Variants in ASCL5 observed in about 807,000 individuals in gnomAD.
ASCL5 encodes achaete-scute family bHLH transcription factor 5.
For missense variants in ASCL5, 262 were observed against 268.9 expected (o/e 0.97, Z 0.18); for synonymous variants, 124 against 131.5 (o/e 0.94, Z 0.39).
At chr1:201,124,146 C>T (rs142050229) in intron 1 of ASCL5, among the ~76,000 whole-genome samples, 5 of 152,312 alleles carry the variant, frequency 3.3e-5, no homozygotes, top group Admixed American at 1.3e-4. Flanking sequence ...GAAAATCATC[C>T]TATAGACACA....
In ASCL5 at chr1:201,123,236, A is replaced by G. The variant is rs547408560; in HGVS notation, c.-506+3848T>C. On this transcript the variant is annotated intron_variant, in intron 1 of 1. Transcript: ENST00000449188. Reference sequence around the variant, plus strand: ...GAATGAAAAGGGTAACTGAATTCAAATAATTCTAATAAATTGAATTTATTC... The same window carrying G: ...GAATGAAAAGGGTAACTGAATTCAAGTAATTCTAATAAATTGAATTTATTC... Among the ~76,000 whole-genome samples the G allele has an allele frequency of 3.3e-5, 5 of 152,338 alleles. No individual in the cohort carries two copies. In the South Asian group the frequency reaches 1.0e-3, roughly 32 times the overall value.
At position 201,115,006 on chromosome 1, in the gene ASCL5, C is replaced by G; in HGVS notation, c.367G>C (p.Glu123Gln). 1 of 1,231,824 alleles carries G rather than the reference C, an allele frequency of 8.1e-7. No homozygotes were observed. Among genetic ancestry groups the G allele is most frequent in the South Asian group, 4.1e-5 (1 of 24,332 alleles). The allele number at this position is 1,231,824 out of a possible 1,614,324, so 76.3% of individuals were successfully genotyped here. A position where few individuals can be genotyped will look rare whatever the true frequency, so the allele number is the denominator to read the frequency against. ...TAGCGGATGGCGGCGCGCAGCGTCT[C>G]CACCTTGCTGAGTCGCTTCTCAGCC... Reference protein sequence around the residue: ...ALAEKRLSKVETLRAAIRYIK... With the variant: ...ALAEKRLSKVQTLRAAIRYIK... Residue 123 changes from glutamate to glutamine, a missense_variant, in exon 2 of 2, where the codon GAG becomes CAG. Physicochemically the swap from Glu to Gln is conservative, Grantham distance 29 (BLOSUM62 2). Transcript: ENST00000449188.
chr1:201,119,966 G>A, intron 1 of ASCL5, among the ~76,000 whole-genome samples: 1 of 152,112 alleles, frequency 6.6e-6, no homozygotes, highest in East Asian at 1.9e-4. Flanking sequence ...ATTACCAGCT[G>A]TACTCTAGTT....
In ASCL5 at chr1:201,124,665, G is replaced by T. The variant is rs148048205; in HGVS notation, c.-506+2419C>A. Among the ~76,000 whole-genome samples the T allele has an allele frequency of 2.2e-3, 336 of 152,362 alleles. 3 individuals carry two copies. Among genetic ancestry groups the T allele is most frequent in the Middle Eastern group, 0.017 (5 of 294 alleles). On this transcript the variant is annotated intron_variant, in intron 1 of 1. Transcript: ENST00000449188. ...ATAGATCCAGAGAATTCGTAGGTGG[G>T]AAGTGACTGCAGCTGCAGGGCTGGA...
intron 1 of ASCL5, among the ~76,000 whole-genome samples, chr1:201,125,166 C>T (rs1232675590): frequency 6.6e-6 from 1 of 152,198 alleles, no homozygotes; most frequent in East Asian, 1.9e-4. Context: ...GGGAGAGTAA[C>T]AGCACTCACT....
At chr1:201,117,011 G>A (rs552689392) in intron 1 of ASCL5, among the ~76,000 whole-genome samples, 1 of 152,184 alleles carries the variant, frequency 6.6e-6, no homozygotes, top group East Asian at 1.9e-4. Context: ...GTCTCCTTCT[G>A]CACCCTCTCA....
In ASCL5 at chr1:201,119,345, T is replaced by C. The variant is rs1663406492; in HGVS notation, c.-505-3468A>G. Among the ~76,000 whole-genome samples, 4 of 152,310 alleles carry C rather than the reference T, an allele frequency of 2.6e-5. 1 individual carries two copies. The South Asian group carries it at 8.3e-4, about 32-fold the overall frequency. On this transcript the variant is annotated intron_variant, in intron 1 of 1. Transcript: ENST00000449188. ...TGAGCAAAGGCCCCAGGAGGATCTA[T>C]CAGTAGCAGGGAACCTACTCATCGG...
rs1173856232 is a variant in ASCL5 at position 201,115,619 on chromosome 1, G to T, written c.-247C>A. 7 of 332,026 alleles carry T rather than the reference G, an allele frequency of 2.1e-5. No individual in the cohort carries two copies. The highest frequency in any genetic ancestry group is 4.9e-5 in the Admixed American group (1 of 20,508). 20.6% of individuals were successfully genotyped at this position (332,026 alleles called of 1,614,324 possible). On this transcript the variant is annotated 5_prime_UTR_variant, in exon 2 of 2. Coordinates refer to ENST00000449188, the MANE Select transcript of ASCL5 (RefSeq NM_001270601.2). ...CGCCTTCTCAGAGCCAGCCCATGGC[G>T]CCGCGGAACTCTGAGGGCCCGCACC...
chr1:201,126,929 C>G (rs1280021515), intron 1 of ASCL5, among the ~76,000 whole-genome samples, 155 bp downstream of exon 1: 3 of 152,156 alleles, frequency 2.0e-5, no homozygotes, highest in Non-Finnish European at 4.4e-5. Flanking sequence ...TGGCTTGGCT[C>G]TGTTTTCCTT....
At chr1:201,124,789 T>C (rs1040334201) in intron 1 of ASCL5, among the ~76,000 whole-genome samples, 16 of 152,196 alleles carry the variant, frequency 1.1e-4, no homozygotes, top group African/African-American at 3.6e-4. Flanking sequence ...AGCCTCAGGG[T>C]GTCCTTGTGA....
intron 1 of ASCL5, among the ~76,000 whole-genome samples, chr1:201,119,410 G>A (rs1221445865): frequency 2.0e-5 from 3 of 152,190 alleles, no homozygotes; most frequent in Non-Finnish European, 4.4e-5. Flanking sequence ...TATCAATAGC[G>A]CCACGGTGTG....
Position 201,115,053 on chromosome 1 carries a change from C to G in ASCL5, c.320G>C (p.Arg107Pro). ...KCVNEGYARL[R>P]GHLPGALAEK... The stretch of plus-strand genomic sequence containing the variant: ...AGCCAGGGCGCCGGGGAGGTGGCCG[C>G]GGAGGCGAGCGTAGCCCTCGTTGAC... The change falls in exon 2 of 2, where the codon CGC becomes CCC. Residue 107 changes from arginine to proline, a missense_variant. Physicochemically the swap from Arg to Pro is moderately radical, Grantham distance 103. Transcript: ENST00000449188. 8.1e-7 allele frequency: 1 copy of G among 1,232,100 alleles called. No homozygotes were observed. Among genetic ancestry groups the G allele is most frequent in the African/African-American group, 1.5e-5 (1 of 64,540 alleles). 76.3% of individuals were successfully genotyped at this position (1,232,100 alleles called of 1,614,324 possible).
Position 201,114,754 on chromosome 1 carries a change from A to G in ASCL5, c.619T>C (p.Ter207ArgextTer36), listed in dbSNP as rs1663297023. Residue 207 changes from the stop codon to arginine (R), a stop_lost, in exon 2 of 2, where the codon TGA becomes CGA. Transcript: ENST00000449188. ...PFLESEESWH[*>R] ...GCCGGGGGCGGCCACAGGCCCGATC[A>G]ATGCCAGGATTCCTCCGACTCCAAG... 2 of 1,230,984 alleles carry G rather than the reference A, an allele frequency of 1.6e-6. No homozygotes were observed. The highest frequency in any genetic ancestry group is 2.0e-6 in the Non-Finnish European group (2 of 987,558). 76.3% of individuals were successfully genotyped at this position (1,230,984 alleles called of 1,614,324 possible).
At position 201,124,144 on chromosome 1, in the gene ASCL5, T is replaced by G. The variant is rs75511228; in HGVS notation, c.-506+2940A>C. Among the ~76,000 whole-genome samples, 4 of 152,230 alleles carry G rather than the reference T, an allele frequency of 2.6e-5. No individual in the cohort carries two copies. In the South Asian group the frequency reaches 8.3e-4, roughly 32 times the overall value. The stretch of plus-strand genomic sequence containing the variant: ...AGAAGACAAAGAGGAAGGAAAATCA[T>G]CCTATAGACACAGTGAAGTCATGGT... On this transcript the variant is annotated intron_variant, in intron 1 of 1. Transcript: ENST00000449188.
At chr1:201,122,347 A>G (rs370136400) in intron 1 of ASCL5, among the ~76,000 whole-genome samples, 2 of 152,332 alleles carry the variant, frequency 1.3e-5, no homozygotes, top group South Asian at 2.1e-4. Context: ...CAAGTCCTCA[A>G]TGTGGCATCA....
chr1:201,115,274 G>A lies in ASCL5; in HGVS notation c.99C>T (p.Pro33=). The change falls in exon 2 of 2, where the codon CCC becomes CCT. Residue 33 remains proline, a synonymous_variant. Transcript: ENST00000449188. Reference sequence around the variant, plus strand: ...TGCCCAGGGGCTCGGCGGGGGGCAGGGGCGCCTGCCGGGGAGGGGGCATGA... The same window carrying A: ...TGCCCAGGGGCTCGGCGGGGGGCAGAGGCGCCTGCCGGGGAGGGGGCATGA... ...LGVMPPPRQA[P]LPPAEPLGNV... is the part of the protein sequence containing the mutation. 9 of 1,231,398 alleles carry A rather than the reference G, an allele frequency of 7.3e-6. No homozygotes were observed. The highest frequency in any genetic ancestry group is 9.1e-6 in the Non-Finnish European group (9 of 987,742). 76.3% of individuals were successfully genotyped at this position (1,231,398 alleles called of 1,614,324 possible).
chr1:201,116,004 G>A (rs1016853418), intron 1 of ASCL5, 127 bp from the exon 2 acceptor site: 2 of 152,224 alleles, frequency 1.3e-5, no homozygotes, highest in Non-Finnish European at 1.5e-5. Context: ...GCTACTGAAG[G>A]GGCACAGATC....
intron 1 of ASCL5, among the ~76,000 whole-genome samples, chr1:201,120,239 C>A (rs1381265765): frequency 2.0e-5 from 3 of 152,162 alleles, no homozygotes; most frequent in Non-Finnish European, 4.4e-5. Context: ...CAATACCTTG[C>A]CAATTCTAAT....
At chr1:201,124,682 A>G (rs1371970802) in intron 1 of ASCL5, among the ~76,000 whole-genome samples, 2 of 152,220 alleles carry the variant, frequency 1.3e-5, no homozygotes, top group Non-Finnish European at 1.5e-5. Flanking sequence ...CTGCAGCTGC[A>G]GGGCTGGAGG....
Sources: allele counts gnomAD v4.1 joint callset (sites outside exome capture counted in the v4.1 genomes callset), GRCh38; gene constraint gnomAD v4.1.1; transcripts MANE v1.5; gene names NCBI Gene and HGNC (gene_info 2026-07-23, HGNC 2026-07-21).